Variants in SNX29 observed in about 807,000 individuals in gnomAD.
SNX29 encodes the protein sorting nexin-29.
A neutral mutation model predicts 102.1 loss-of-function variants in SNX29; 78 were observed. The ratio of observed to expected loss-of-function variants is 0.76; its 90% CI spans 0.64 to 0.92. The LOEUF (loss-of-function observed/expected upper bound fraction) is 0.92, where lower values mean the gene tolerates loss of function less well. Ranked by LOEUF, SNX29 falls within the 40% of genes least tolerant of loss-of-function variation. SNX29 has a pLI of 0.00. For synonymous variants in SNX29, 580 were observed against 414.5 expected, an observed-to-expected ratio of 1.40 and a Z score of -4.85; for missense variants, 1,280 against 1,061.7, an observed-to-expected ratio of 1.21 and a Z score of -2.86.
intron 18 of SNX29, among the ~76,000 whole-genome samples, chr16:12,445,778 C>G (rs887248140): frequency 6.6e-6 from 1 of 152,088 alleles, no homozygotes; most frequent in Non-Finnish European, 1.5e-5. Flanking sequence ...TATGCCAGGC[C>G]CTGGATTGAG....
rs938235443 is a variant in SNX29 at position 12,550,069 on chromosome 16, C to A, written c.2319-18437C>A. ...GGAGCCTAGTATGTTTAGTCTCACC[C>A]TTTATAGGAAGTTTGCCAACCTATG... is the stretch of plus-strand genomic sequence containing the variant. On this transcript the variant is annotated intron_variant, in intron 20 of 20. Coordinates refer to ENST00000566228, the MANE Select transcript of SNX29 (RefSeq NM_032167.5). Among the ~76,000 whole-genome samples the A allele has an allele frequency of 2.0e-5, 3 of 152,186 alleles. No homozygotes were observed. In the East Asian group the frequency reaches 5.8e-4, roughly 29 times the overall value.
intron 4 of SNX29, chr16:12,029,822 C>G (rs2057291738): frequency 2.9e-6 from 1 of 341,018 alleles, no homozygotes; most frequent in Non-Finnish European, 5.7e-6. Flanking sequence ...GAACTCCTGA[C>G]TTCAGGTAAT....
chr16:12,364,001 CT>C (rs897405141), intron 16 of SNX29, among the ~76,000 whole-genome samples: 5 of 151,654 alleles, frequency 3.3e-5, no homozygotes, highest in African/African-American at 1.2e-4. Flanking sequence ...ATATACTTTA[CT>C]TTTTTTTAGA....
chr16:12,212,923 G>A (rs901976234), intron 14 of SNX29, among the ~76,000 whole-genome samples: 5 of 152,160 alleles, frequency 3.3e-5, no homozygotes, highest in African/African-American at 1.2e-4. Flanking sequence ...AGACGAGCCT[G>A]GCCAATATAG....
intron 20 of SNX29, among the ~76,000 whole-genome samples, chr16:12,551,478 G>C (rs544465164): frequency 3.9e-5 from 6 of 152,316 alleles, no homozygotes; most frequent in Non-Finnish European, 2.9e-5. Flanking sequence ...GCCCTGCCTG[G>C]TTAATGCAAC....
chr16:12,147,431 A>T (rs542583178), intron 13 of SNX29, among the ~76,000 whole-genome samples: 2 of 152,340 alleles, frequency 1.3e-5, no homozygotes, highest in African/African-American at 4.8e-5. Context: ...TGCTTTTCCC[A>T]TTCATTAATG....
chr16:12,015,072 A>G (rs976357253), intron 3 of SNX29, among the ~76,000 whole-genome samples: 4 of 151,830 alleles, frequency 2.6e-5, no homozygotes, highest in Admixed American at 2.0e-4. Flanking sequence ...TTTGTTCTAT[A>G]TTTTTCCATG....
intron 15 of SNX29, among the ~76,000 whole-genome samples, chr16:12,288,401 A>G (rs1396972458): frequency 1.3e-5 from 2 of 152,202 alleles, no homozygotes; most frequent in East Asian, 1.9e-4. Context: ...AAAAGTACCT[A>G]CAAATGTGAC....
intron 10 of SNX29, among the ~76,000 whole-genome samples, chr16:12,071,965 G>T (rs866180782): frequency 6.6e-6 from 1 of 151,754 alleles, no homozygotes; most frequent in East Asian, 1.9e-4. Context: ...TGATTTGGCT[G>T]TTTGTCTGTG....
At chr16:12,236,812 C>A (rs1253666787) in intron 14 of SNX29, among the ~76,000 whole-genome samples, 2 of 152,216 alleles carry the variant, frequency 1.3e-5, no homozygotes, top group Non-Finnish European at 2.9e-5. Flanking sequence ...ATTTGGTCAT[C>A]CGTCCTCCCC....
intron 16 of SNX29, among the ~76,000 whole-genome samples, chr16:12,379,817 C>T (rs558519042): frequency 2.0e-5 from 3 of 152,236 alleles, no homozygotes; most frequent in South Asian, 4.2e-4. Context: ...CCTAAGTCAT[C>T]GATCCCGGTG....
chr16:12,077,019 A>G (rs1267099740), intron 10 of SNX29, among the ~76,000 whole-genome samples: 4 of 152,172 alleles, frequency 2.6e-5, no homozygotes, highest in African/African-American at 7.2e-5. Context: ...CATGCCTGTA[A>G]TCTCAGCACT....
intron 15 of SNX29, among the ~76,000 whole-genome samples, chr16:12,319,304 C>T (rs187629905): frequency 6.6e-6 from 1 of 152,230 alleles, no homozygotes; most frequent in Non-Finnish European, 1.5e-5. Context: ...GAGTTCGAGA[C>T]CAGCCCAAGC....
intron 18 of SNX29, among the ~76,000 whole-genome samples, chr16:12,470,645 C>T (rs774648632): frequency 3.3e-4 from 50 of 152,228 alleles, no homozygotes; most frequent in Non-Finnish European, 5.7e-4. Flanking sequence ...TTTCTGAAAG[C>T]GGAGGGGATG....
At chr16:12,422,955 C>G (rs1475218695) in intron 18 of SNX29, among the ~76,000 whole-genome samples, 2 of 152,126 alleles carry the variant, frequency 1.3e-5, no homozygotes, top group East Asian at 1.9e-4. Flanking sequence ...AAAGAAACAT[C>G]CGAAGCTTAA....
At chr16:12,263,111 T>C (rs1173327737) in intron 14 of SNX29, among the ~76,000 whole-genome samples, 3 of 151,322 alleles carry the variant, frequency 2.0e-5, no homozygotes. Context: ...TCATGTCCTC[T>C]CTTCTTGGAC....
intron 14 of SNX29, among the ~76,000 whole-genome samples, chr16:12,244,567 G>A (rs1285719937): frequency 6.6e-6 from 1 of 152,004 alleles, no homozygotes; most frequent in African/African-American, 2.4e-5. Flanking sequence ...CCGAGATCAT[G>A]CCATTGCACT....
At chr16:12,177,866 T>G (rs545280231) in intron 13 of SNX29, among the ~76,000 whole-genome samples, 4 of 152,138 alleles carry the variant, frequency 2.6e-5, no homozygotes, top group Non-Finnish European at 5.9e-5. Context: ...TCAGATGAAA[T>G]TCCCCCTGCC....
intron 18 of SNX29, among the ~76,000 whole-genome samples, chr16:12,432,939 G>A (rs1210393493): frequency 6.6e-6 from 1 of 152,216 alleles, no homozygotes; most frequent in Non-Finnish European, 1.5e-5. Flanking sequence ...GACCGGACCT[G>A]GTGCATGGGG....
Sources: gnomAD v4.1 joint callset for allele counts (sites outside exome capture counted in the v4.1 genomes callset) on GRCh38, gnomAD v4.1.1 for gene constraint, MANE v1.5 for transcripts, NCBI Gene and HGNC (gene_info 2026-07-23, HGNC 2026-07-21) for gene names.